Variants in SULT2B1 observed in about 807,000 individuals in gnomAD.
SULT2B1 encodes sulfotransferase family 2B member 1, also known as sulfotransferase 2B1.
SULT2B1 carries 16 observed loss-of-function variants against 33.2 expected under a neutral mutation model. The ratio of observed to expected loss-of-function variants is 0.48; its 90% CI spans 0.33 to 0.73. The LOEUF is 0.73. SULT2B1 is among the 30% of genes least tolerant of loss of function. SULT2B1 has a pLI of 0.02. For synonymous variants in SULT2B1, 186 were observed against 200.5 expected (o/e 0.93, Z 0.61); for missense variants, 500 against 506.0 (o/e 0.99, Z 0.11).
intron 1 of SULT2B1, among the ~76,000 whole-genome samples, chr19:48,555,491 T>C (rs955460588): frequency 1.3e-5 from 2 of 150,102 alleles, no homozygotes; most frequent in East Asian, 2.0e-4. Flanking sequence ...AGACATCTTC[T>C]CTCTCTCTCT....
intron 2 of SULT2B1, among the ~76,000 whole-genome samples, chr19:48,586,880 G>A (rs1601107366): frequency 6.6e-6 from 1 of 152,150 alleles, no homozygotes; most frequent in East Asian, 1.9e-4. Context: ...GGAGGCCGAG[G>A]TGGGCAGAGC....
At chr19:48,590,913 A>G (rs1355264225) in intron 3 of SULT2B1, among the ~76,000 whole-genome samples, 1 of 151,990 alleles carries the variant, frequency 6.6e-6, no homozygotes, top group African/African-American at 2.4e-5. Context: ...AGCTCACTGC[A>G]GCCTCGACCT....
intron 5 of SULT2B1, 120 bp downstream of exon 5, chr19:48,592,936 T>C: frequency 1.2e-6 from 1 of 821,536 alleles, no homozygotes. Context: ...CGCCAGCCCC[T>C]GGGGATACTG....
chr19:48,589,046 G>C (rs1336025322), intron 3 of SULT2B1, among the ~76,000 whole-genome samples: 4 of 152,216 alleles, frequency 2.6e-5, no homozygotes, highest in Admixed American at 1.3e-4. Flanking sequence ...GCCCGAGCGG[G>C]CTTAGGCTTC....
chr19:48,560,944 A>C (rs1332808199), intron 1 of SULT2B1, among the ~76,000 whole-genome samples: 1 of 151,858 alleles, frequency 6.6e-6, no homozygotes, highest in Admixed American at 6.6e-5. Flanking sequence ...CCTGGGCAAC[A>C]AGAGCAAAAC....
At chr19:48,554,308 C>A (rs528512845) in intron 1 of SULT2B1, among the ~76,000 whole-genome samples, 4 of 151,254 alleles carry the variant, frequency 2.6e-5, no homozygotes, top group Non-Finnish European at 4.4e-5. Flanking sequence ...CGTACCCCCC[C>A]AGATTCGCAC....
intron 1 of SULT2B1, among the ~76,000 whole-genome samples, chr19:48,561,913 A>G (rs553875929): frequency 1.3e-5 from 2 of 151,992 alleles, no homozygotes; most frequent in African/African-American, 4.8e-5. Context: ...TCGGGAGTTC[A>G]AGACCAGCCT....
At chr19:48,579,605 C>CTTTCTTTCTTTTTTTTT (rs71179013) in intron 2 of SULT2B1, among the ~76,000 whole-genome samples, 5 of 79,736 alleles carry the variant, frequency 6.3e-5, no homozygotes, top group Non-Finnish European at 1.1e-4. Flanking sequence ...TTCTTTCTTT[C>CTTTCTTTCTTTTTTTTT]TTTTTTTTTT....
At position 48,599,029 on chromosome 19, in the gene SULT2B1, C is replaced by T; in HGVS notation, c.827-106C>T. On this transcript the variant is annotated intron_variant, in intron 6 of 6. Coordinates refer to ENST00000201586, the MANE Select transcript of SULT2B1 (RefSeq NM_177973.2). This position sits in a 1 kb window ranked among gnomAD's most constrained non-coding sequence, Gnocchi z 4.1. ...AGGACGGTGTTTCTGGCAAAGGGAA[C>T]ACCTCGCCAAAGGCCGGGAAGGGGA... 6.7e-7 allele frequency: 1 copy of T among 1,482,744 alleles called. No individual in the cohort carries two copies. The highest frequency in any genetic ancestry group is 8.9e-7 in the Non-Finnish European group (1 of 1,121,664). 91.8% of individuals were successfully genotyped at this position (1,482,744 alleles called of 1,614,324 possible).
intron 1 of SULT2B1, among the ~76,000 whole-genome samples, chr19:48,575,190 C>A (rs958350847): frequency 6.9e-6 from 1 of 143,984 alleles, no homozygotes; most frequent in Non-Finnish European, 1.5e-5. Context: ...CTCATTGCAA[C>A]CTCCACTTCT....
chr19:48,586,982 C>A (rs572973055), intron 2 of SULT2B1, among the ~76,000 whole-genome samples: 1 of 151,924 alleles, frequency 6.6e-6, no homozygotes, highest in South Asian at 2.1e-4. Flanking sequence ...TGGTGGTGGG[C>A]GCTTGTAATG....
chr19:48,582,238 C>T (rs1033843411), intron 2 of SULT2B1, among the ~76,000 whole-genome samples: 1 of 152,098 alleles, frequency 6.6e-6, no homozygotes, highest in African/African-American at 2.4e-5. Flanking sequence ...TCTCCTTATA[C>T]CTTGACATTG....
At position 48,576,359 on chromosome 19, in the gene SULT2B1, C is replaced by CTTTTCTTTTTTTTTTTTTTTTTT; in HGVS notation, c.214+280_214+281insCTTTTTTTTTTTTTTTTTTTTTT. 8.8e-4 allele frequency among the ~76,000 whole-genome samples: 85 copies of CTTTTCTTTTTTTTTTTTTTTTTT among 96,698 alleles called. 6 individuals are homozygous for CTTTTCTTTTTTTTTTTTTTTTTT. The highest frequency in any genetic ancestry group is 2.0e-3 in the East Asian group (7 of 3,434). 63.4% of individuals were successfully genotyped at this position (96,698 alleles called of 152,430 possible). ...CCTTTCCCCTTTACCCTCTACTTCT[C>CTTTTCTTTTTTTTTTTTTTTTTT]TTTTTTTTTTTTTTTTTTGTAGAGA... On this transcript the variant is annotated intron_variant, in intron 2 of 6. Coordinates refer to ENST00000201586, the MANE Select transcript of SULT2B1 (RefSeq NM_177973.2).
At chr19:48,563,764 A>G (rs922443503) in intron 1 of SULT2B1, among the ~76,000 whole-genome samples, 3 of 152,126 alleles carry the variant, frequency 2.0e-5, no homozygotes, top group African/African-American at 7.2e-5. Flanking sequence ...CAGGAGTTCA[A>G]GACCAGCCTG....
At chr19:48,577,028 ATT>A (rs71179012) in intron 2 of SULT2B1, among the ~76,000 whole-genome samples, 139 of 92,872 alleles carry the variant, frequency 1.5e-3, no homozygotes, top group African/African-American at 5.7e-3. Flanking sequence ...ACCCCCCTCT[ATT>A]TTTTTTTTTT....
intron 1 of SULT2B1, among the ~76,000 whole-genome samples, chr19:48,570,749 G>A (rs1276616304): frequency 1.3e-5 from 2 of 151,112 alleles, no homozygotes; most frequent in Non-Finnish European, 2.9e-5. Flanking sequence ...TTCTGAGACA[G>A]AGTCTCACTC....
intron 1 of SULT2B1, among the ~76,000 whole-genome samples, chr19:48,572,857 C>A (rs1348071897): frequency 1.3e-5 from 2 of 151,808 alleles, no homozygotes; most frequent in African/African-American, 4.8e-5. Context: ...GAAGTTGGGC[C>A]TTTAAGAGTT....
At chr19:48,577,349 C>T (rs914343206) in intron 2 of SULT2B1, among the ~76,000 whole-genome samples, 1 of 56,566 alleles carries the variant, frequency 1.8e-5, no homozygotes, top group Non-Finnish European at 3.7e-5. Flanking sequence ...GCCACTGAGC[C>T]GTCTTTTTTT....
rs369113111 is a variant in SULT2B1, at chr19:48,592,845, G to A, written c.645+29G>A. 42 of 1,538,282 alleles carry A rather than the reference G, an allele frequency of 2.7e-5. No individual in the cohort carries two copies. The Admixed American group carries it at 3.5e-4, about 13-fold the overall frequency. On this transcript the variant is annotated intron_variant, in intron 5 of 6. Transcript: ENST00000201586. Reference sequence around the variant, plus strand: ...AGTCCCCACCTCCTCCAGGTGCAGCGTCCCCCCCATACCCTCTGCTCACAC... The same window carrying A: ...AGTCCCCACCTCCTCCAGGTGCAGCATCCCCCCCATACCCTCTGCTCACAC...
Sources: allele counts gnomAD v4.1 joint callset (sites outside exome capture counted in the v4.1 genomes callset), GRCh38; gene constraint gnomAD v4.1.1; non-coding constraint Gnocchi (gnomAD v3.1); transcripts MANE v1.5; gene names NCBI Gene and HGNC (gene_info 2026-07-23, HGNC 2026-07-21).